PKNOX2: variants seen among roughly 807,000 people sequenced by gnomAD.
PKNOX2 encodes homeobox protein PKNOX2.
In PKNOX2, 14 loss-of-function variants were observed where a neutral mutation model predicts 53.1. That is an observed-to-expected ratio of 0.26 (90% CI 0.17 to 0.41). PKNOX2 has a LOEUF of 0.41. PKNOX2 is among the 10% of genes least tolerant of loss of function. PKNOX2 has a pLI of 1.00. For missense variants in PKNOX2, 496 were observed against 602.8 expected (o/e 0.82, Z 1.85); for synonymous variants, 257 against 242.8 (o/e 1.06, Z -0.54).
intron 4 of PKNOX2, among the ~76,000 whole-genome samples, chr11:125,357,151 ACTCTT>A (rs976946299): frequency 2.4e-4 from 36 of 151,144 alleles, no homozygotes; most frequent in Admixed American, 2.0e-3. Flanking sequence ...ACCAAAACAG[ACTCTT>A]CTCTTTCTTT....
intron 1 of PKNOX2, among the ~76,000 whole-genome samples, chr11:125,195,924 A>ACACACAC (rs1481721829): frequency 4.4e-5 from 5 of 114,010 alleles, no homozygotes; most frequent in Non-Finnish European, 9.8e-5. Context: ...CACACACACA[A>ACACACAC]TTCATTGACA....
At position 125,422,705 on chromosome 11, in the gene PKNOX2, A is replaced by T. The variant is rs547245194; in HGVS notation, c.937-6307A>T. ...GGACACCCCAGAGGGCTGCAGCTCT[A>T]AGAAAGTCCACCTGAAAAATGGCTG... On this transcript the variant is annotated intron_variant, in intron 10 of 12. Transcript: ENST00000298282. This position sits in a 1 kb window ranked among gnomAD's most constrained non-coding sequence, Gnocchi z 4.1. 3.9e-4 allele frequency among the ~76,000 whole-genome samples: 60 copies of T among 152,308 alleles called. 1 individual carries two copies. In the South Asian group the frequency reaches 7.9e-3, roughly 20 times the overall value.
chr11:125,381,306 G>A lies in PKNOX2; in HGVS notation c.228-4245G>A, dbSNP rs1254042317. 2.6e-5 allele frequency among the ~76,000 whole-genome samples: 4 copies of A among 152,120 alleles called. No individual in the cohort carries two copies. The East Asian group carries it at 7.7e-4, about 29-fold the overall frequency. ...CTGGAGCATGGGGAGGCTGGGGTAG[G>A]AGAAGAGAGGATCTGGGGGCTGACA... is the stretch of plus-strand genomic sequence containing the variant. On this transcript the variant is annotated intron_variant, in intron 5 of 12. Transcript: ENST00000298282.
intron 1 of PKNOX2, among the ~76,000 whole-genome samples, 199 bp from the exon 2 acceptor site, chr11:125,234,846 T>G (rs1942530388): frequency 1.3e-5 from 2 of 152,070 alleles, no homozygotes; most frequent in African/African-American, 4.8e-5. Context: ...TCTGCCCTGA[T>G]TAGGTCTCTA....
intron 3 of PKNOX2, among the ~76,000 whole-genome samples, 164 bp downstream of exon 3, chr11:125,332,089 C>T (rs1039397440): frequency 2.0e-5 from 3 of 152,328 alleles, no homozygotes; most frequent in African/African-American, 7.2e-5. Flanking sequence ...TTCATGTCAC[C>T]TCCTTAGCTC....
At position 125,411,826 on chromosome 11, in the gene PKNOX2, C is replaced by A; in HGVS notation, c.897C>A (p.Ala299=). The change falls in exon 10 of 13, where the codon GCC becomes GCA. Residue 299 remains alanine (A), a synonymous_variant. Coordinates refer to ENST00000298282, the MANE Select transcript of PKNOX2 (RefSeq NM_001382323.2). ...KNKRGVLPKH[A]TNIMRSWLFQ... ...AACGAGGAGTCTTGCCCAAGCATGC[C>A]ACCAATATAATGCGTTCTTGGCTCT... The A allele has an allele frequency of 1.2e-6, 2 of 1,614,154 alleles. No individual in the cohort carries two copies. The highest frequency in any genetic ancestry group is 1.1e-5 in the South Asian group (1 of 91,080).
intron 2 of PKNOX2, among the ~76,000 whole-genome samples, chr11:125,280,211 A>G (rs895627974): frequency 5.3e-5 from 8 of 151,840 alleles, no homozygotes; most frequent in African/African-American, 1.9e-4. Context: ...AATGTGGTGA[A>G]GCGAGATAAT....
At chr11:125,307,824 C>T (rs117299860) in intron 2 of PKNOX2, among the ~76,000 whole-genome samples, 2 of 152,302 alleles carry the variant, frequency 1.3e-5, no homozygotes, top group Non-Finnish European at 2.9e-5. Flanking sequence ...ACCCTTTCTA[C>T]CCTCAAGGAG....
intron 2 of PKNOX2, among the ~76,000 whole-genome samples, chr11:125,242,732 T>C (rs551737650): frequency 1.2e-4 from 19 of 152,204 alleles, no homozygotes; most frequent in African/African-American, 4.1e-4. Flanking sequence ...GGGTGTGTCC[T>C]TCTTGGCTCC....
At chr11:125,275,599 T>A (rs2135815156) in intron 2 of PKNOX2, among the ~76,000 whole-genome samples, 1 of 152,254 alleles carries the variant, frequency 6.6e-6, no homozygotes, top group Admixed American at 6.5e-5. Flanking sequence ...AGCAGAGTTG[T>A]GGGAGTCAGG....
intron 1 of PKNOX2, among the ~76,000 whole-genome samples, chr11:125,199,202 G>C (rs1938147543): frequency 6.6e-6 from 1 of 152,026 alleles, no homozygotes; most frequent in Admixed American, 6.6e-5. Context: ...CCCAGCCCCA[G>C]GTGGCATGTT....
intron 1 of PKNOX2, among the ~76,000 whole-genome samples, chr11:125,177,293 G>A (rs542367933): frequency 1.3e-4 from 19 of 151,236 alleles, no homozygotes; most frequent in African/African-American, 3.2e-4. Context: ...GGGGGGCAGC[G>A]AGGAGAGGCA....
At chr11:125,316,324 T>C (rs1355037976) in intron 2 of PKNOX2, among the ~76,000 whole-genome samples, 1 of 152,196 alleles carries the variant, frequency 6.6e-6, no homozygotes, top group Non-Finnish European at 1.5e-5. Flanking sequence ...TTCTATGCAC[T>C]GGGCCCCTAA....
At chr11:125,261,884 A>C (rs764933249) in intron 2 of PKNOX2, among the ~76,000 whole-genome samples, 12 of 152,200 alleles carry the variant, frequency 7.9e-5, no homozygotes, top group Non-Finnish European at 1.5e-4. Flanking sequence ...CCAGGTCTTA[A>C]ATTACAGAGT....
intron 5 of PKNOX2, among the ~76,000 whole-genome samples, chr11:125,377,903 T>C (rs1345596878): frequency 6.6e-6 from 1 of 152,238 alleles, no homozygotes; most frequent in Non-Finnish European, 1.5e-5. Flanking sequence ...AAGCTTGATC[T>C]AGGAGAGATA....
At chr11:125,344,692 C>T (rs996332796) in intron 3 of PKNOX2, among the ~76,000 whole-genome samples, 1 of 152,164 alleles carries the variant, frequency 6.6e-6, no homozygotes, top group African/African-American at 2.4e-5. Flanking sequence ...AAAGCGTCTG[C>T]TTGTCTTGGT....
chr11:125,371,362 C>T (rs776853180), intron 5 of PKNOX2, among the ~76,000 whole-genome samples: 1 of 152,144 alleles, frequency 6.6e-6, no homozygotes, highest in Non-Finnish European at 1.5e-5. Context: ...CCCCAGCCCC[C>T]ACCTCAACCC....
At chr11:125,321,829 A>G (rs1949528301) in intron 2 of PKNOX2, among the ~76,000 whole-genome samples, 1 of 152,196 alleles carries the variant, frequency 6.6e-6, no homozygotes, top group Admixed American at 6.5e-5. Flanking sequence ...AGTTCTGGAG[A>G]TTTGAACTCT....
intron 5 of PKNOX2, among the ~76,000 whole-genome samples, chr11:125,381,689 C>T (rs1026558161): frequency 3.3e-5 from 5 of 152,164 alleles, no homozygotes; most frequent in Non-Finnish European, 5.9e-5. Flanking sequence ...CACGAGGCAC[C>T]TCATGATCTG....
Sources: gnomAD v4.1 joint callset for allele counts (sites outside exome capture counted in the v4.1 genomes callset) on GRCh38, gnomAD v4.1.1 for gene constraint, Gnocchi (gnomAD v3.1) non-coding constraint, MANE v1.5 for transcripts, NCBI Gene and HGNC (gene_info 2026-07-23, HGNC 2026-07-21) for gene names.